Variants in CPXM2 observed in about 807,000 individuals in gnomAD.
CPXM2 encodes carboxypeptidase X, M14 family member 2, also known as inactive carboxypeptidase-like protein X2.
In CPXM2, 66 loss-of-function variants were observed where a neutral mutation model predicts 86.1. The observed-to-expected ratio is 0.77, with a 90% CI of 0.63 to 0.94. CPXM2 has a LOEUF of 0.94. Ranked by LOEUF, CPXM2 falls within the 40% of genes least tolerant of loss-of-function variation. CPXM2 has a pLI of 0.00. For synonymous variants in CPXM2, 388 were observed against 400.2 expected (o/e 0.97, Z 0.36); for missense variants, 948 against 1,026.3 (o/e 0.92, Z 1.04).
At chr10:123,934,565 A>G (rs1945697541) in intron 2 of CPXM2, among the ~76,000 whole-genome samples, 1 of 151,832 alleles carries the variant, frequency 6.6e-6, no homozygotes, top group African/African-American at 2.4e-5. Flanking sequence ...AAAAGACCCT[A>G]CATCTAAATA....
intron 2 of CPXM2, among the ~76,000 whole-genome samples, chr10:123,915,841 G>C (rs1176578159): frequency 6.6e-6 from 1 of 152,086 alleles, no homozygotes; most frequent in African/African-American, 2.4e-5. Context: ...CCTGGTCCTG[G>C]TTGCTCAGGA....
At chr10:123,820,923 G>T (rs968408754) in intron 4 of CPXM2, among the ~76,000 whole-genome samples, 4 of 152,238 alleles carry the variant, frequency 2.6e-5, no homozygotes, top group Non-Finnish European at 5.9e-5. Flanking sequence ...CTAAAAAGTC[G>T]CTTTTGCCAT....
chr10:123,788,122 A>T (rs1847112097), intron 6 of CPXM2, among the ~76,000 whole-genome samples: 1 of 151,642 alleles, frequency 6.6e-6, no homozygotes, highest in African/African-American at 2.4e-5. Context: ...CTCTACTAAA[A>T]ATACAAAAAT....
At chr10:123,908,545 G>A (rs1423192620) in intron 2 of CPXM2, among the ~76,000 whole-genome samples, 4 of 152,164 alleles carry the variant, frequency 2.6e-5, no homozygotes, top group African/African-American at 9.7e-5. Flanking sequence ...ACATGCAGAT[G>A]AGGACCACCC....
intron 3 of CPXM2, among the ~76,000 whole-genome samples, chr10:123,847,609 G>T (rs994001026): frequency 1.2e-4 from 18 of 152,176 alleles, no homozygotes; most frequent in African/African-American, 4.1e-4. Flanking sequence ...CATCCACAGT[G>T]CTTGATGGTA....
chr10:123,885,558 T>C lies in CPXM2; in HGVS notation c.305-5249A>G, dbSNP rs1053731245. ...TAACATGTGAAGCTGTTTTGTGCCA[T>C]GCTAACCATCCTATGATGCCCAACG... is the stretch of plus-strand genomic sequence containing the variant. On this transcript the variant is annotated intron_variant, in intron 1 of 13. Coordinates refer to ENST00000241305, the MANE Select transcript of CPXM2 (RefSeq NM_198148.3). The surrounding 1 kb of genome is among the most constrained non-coding windows in gnomAD (Gnocchi z 4.0). Among the ~76,000 whole-genome samples the C allele has an allele frequency of 6.6e-6, 1 of 152,226 alleles. No homozygotes were observed. The highest frequency in any genetic ancestry group is 1.5e-5 in the Non-Finnish European group (1 of 68,042).
At chr10:123,787,949 T>TC (rs1036482095) in intron 6 of CPXM2, among the ~76,000 whole-genome samples, 3 of 151,856 alleles carry the variant, frequency 2.0e-5, no homozygotes, top group Non-Finnish European at 4.4e-5. Context: ...TCTTTTCTTA[T>TC]CCCCCCAGTT....
At chr10:123,844,638 A>T (rs746932588) in intron 3 of CPXM2, among the ~76,000 whole-genome samples, 14 of 152,186 alleles carry the variant, frequency 9.2e-5, no homozygotes, top group Non-Finnish European at 1.6e-4. Flanking sequence ...AGTCAACCCC[A>T]AGCAAAGAAA....
rs1172101469 is a variant in CPXM2, at chr10:123,891,516, C to A, written c.144G>T (p.Ala48=). ...QEIWSREPYY[A]RPEPELETFS... ...AGGTCTCGAGCTCGGGCTCCGGGCG[C>A]GCGTAGTAGGGCTCCCGGCTCCAGA... Residue 48 remains alanine (A), a synonymous_variant, in exon 1 of 14, where the codon GCG becomes GCT. Coordinates refer to ENST00000241305, the MANE Select transcript of CPXM2 (RefSeq NM_198148.3). This position sits in a 1 kb window ranked among gnomAD's most constrained non-coding sequence, Gnocchi z 5.6. 2 of 1,548,134 alleles carry A rather than the reference C, an allele frequency of 1.3e-6. No homozygotes were observed. The highest frequency in any genetic ancestry group is 1.7e-6 in the Non-Finnish European group (2 of 1,145,516).
intron 9 of CPXM2, 81 bp downstream of exon 9, chr10:123,768,445 A>G (rs1014255882): frequency 9.8e-6 from 9 of 918,200 alleles, no homozygotes; most frequent in Middle Eastern, 3.5e-4. Flanking sequence ...GGAATTTTGC[A>G]TAGCCCTAGG....
intron 6 of CPXM2, among the ~76,000 whole-genome samples, chr10:123,789,269 G>A (rs1245087469): frequency 6.6e-6 from 1 of 152,304 alleles, no homozygotes; most frequent in African/African-American, 2.4e-5. Context: ...CATCAAACCT[G>A]CCGCCCCACA....
intron 10 of CPXM2, 98 bp from the exon 11 acceptor site, chr10:123,762,267 G>T: frequency 1.3e-6 from 2 of 1,520,478 alleles, no homozygotes; most frequent in South Asian, 1.2e-5. Flanking sequence ...GTGCTTTTGT[G>T]GAATAATCTT....
chr10:123,788,530 A>G (rs1235855215), intron 6 of CPXM2, among the ~76,000 whole-genome samples: 1 of 152,188 alleles, frequency 6.6e-6, no homozygotes, highest in Non-Finnish European at 1.5e-5. Flanking sequence ...CAGAGCTAGC[A>G]TGAACCCTTC....
At chr10:123,888,382 C>G (rs2134245790) in intron 1 of CPXM2, among the ~76,000 whole-genome samples, 1 of 152,326 alleles carries the variant, frequency 6.6e-6, no homozygotes, top group Non-Finnish European at 1.5e-5. Context: ...ACTCCCACCT[C>G]AGTGCCTCAT....
chr10:123,793,235 C>T (rs967753319), intron 6 of CPXM2, among the ~76,000 whole-genome samples: 21 of 151,982 alleles, frequency 1.4e-4, no homozygotes, highest in South Asian at 6.2e-4. Context: ...GAGGCCGAGG[C>T]GGGTGGATGA....
intron 3 of CPXM2, among the ~76,000 whole-genome samples, chr10:123,859,731 C>G (rs1413868918): frequency 4.6e-5 from 7 of 152,318 alleles, no homozygotes; most frequent in Admixed American, 4.6e-4. Flanking sequence ...TGATGTGATC[C>G]CCATGCACGG....
chr10:123,747,039 G>A, intron 13 of CPXM2, 22 bp from the exon 14 acceptor site: 5 of 1,612,480 alleles, frequency 3.1e-6, no homozygotes, highest in Non-Finnish European at 4.2e-6. Context: ...AAAACCAGGG[G>A]AGACTCAGAG....
At chr10:123,749,456 C>A (rs1846028933) in intron 13 of CPXM2, among the ~76,000 whole-genome samples, 1 of 152,226 alleles carries the variant, frequency 6.6e-6, no homozygotes, top group African/African-American at 2.4e-5. Flanking sequence ...CTGCCCCCTC[C>A]CTAGTCCACC....
chr10:123,904,473 T>G (rs1945414420), intron 2 of CPXM2, among the ~76,000 whole-genome samples: 1 of 152,170 alleles, frequency 6.6e-6, no homozygotes, highest in Non-Finnish European at 1.5e-5. Context: ...CGACCAGTTG[T>G]GGGGAGTAAA....
Sources: allele counts gnomAD v4.1 joint callset (sites outside exome capture counted in the v4.1 genomes callset), GRCh38; gene constraint gnomAD v4.1.1; non-coding constraint Gnocchi (gnomAD v3.1); transcripts MANE v1.5; gene names NCBI Gene and HGNC (gene_info 2026-07-23, HGNC 2026-07-21).